PDXK: variants seen among roughly 807,000 people sequenced by gnomAD.
The protein encoded by PDXK is epididymis secretory sperm binding protein Li 1a.
A neutral mutation model predicts 43.2 loss-of-function variants in PDXK; 15 were observed. The observed-to-expected ratio is 0.35, with a 90% confidence interval of 0.23 to 0.53. PDXK has a LOEUF of 0.53. PDXK is among the 20% of genes least tolerant of loss of function. The pLI is 0.92. For synonymous variants in PDXK, 172 were observed against 165.4 expected, an observed-to-expected ratio of 1.04 and a Z score of -0.31; for missense variants, 343 against 417.0, an observed-to-expected ratio of 0.82 and a Z score of 1.54.
chr21:43,752,501 C>T lies in PDXK; in HGVS notation c.511-17C>T, dbSNP rs1346884666. 2 of 1,572,832 alleles carry T rather than the reference C, an allele frequency of 1.3e-6. No homozygotes were observed. The highest frequency in any genetic ancestry group is 1.3e-5 in the African/African-American group (1 of 74,182). On this transcript the variant is annotated splice_polypyrimidine_tract_variant and intron_variant, in intron 7 of 10. Transcript: ENST00000291565. Reference sequence around the variant, plus strand: ...CATGTGACCGGCCGTGGCTGACGCTCCCTGTGCCACTGCTAGGTGATGGAC... The same window carrying T: ...CATGTGACCGGCCGTGGCTGACGCTTCCTGTGCCACTGCTAGGTGATGGAC...
intron 3 of PDXK, among the ~76,000 whole-genome samples, chr21:43,743,034 A>T (rs879280938): frequency 3.3e-5 from 5 of 151,894 alleles, no homozygotes; most frequent in Non-Finnish European, 5.9e-5. Context: ...AACTGTGAGG[A>T]CACCTCGTTT....
intron 1 of PDXK, among the ~76,000 whole-genome samples, chr21:43,726,959 C>G (rs1466422843): frequency 6.6e-6 from 1 of 151,942 alleles, no homozygotes; most frequent in African/African-American, 2.4e-5. Context: ...GTGCACATGT[C>G]TGGGCATGCA....
In PDXK at chr21:43,738,100, G is replaced by A. The variant is rs116696452; in HGVS notation, c.143-3567G>A. 9.7e-4 allele frequency: 928 copies of A among 958,412 alleles called. 12 individuals are homozygous for A. The African/African-American group carries it at 0.015, about 16-fold the overall frequency. 59.4% of individuals were successfully genotyped at this position (958,412 alleles called of 1,614,324 possible). A position where few individuals can be genotyped will look rare whatever the true frequency, so the allele number is the denominator to read the frequency against. ...TTACGTCCCCCCAAATTCTCATGTT[G>A]CAGCCTTAACCCCAGCACCTCAGTG... On this transcript the variant is annotated intron_variant, in intron 2 of 10. Coordinates refer to ENST00000291565, the MANE Select transcript of PDXK (RefSeq NM_003681.5).
At chr21:43,741,559 G>A in intron 2 of PDXK, 108 bp from the exon 3 acceptor site, 2 of 1,534,738 alleles carry the variant, frequency 1.3e-6, no homozygotes, top group East Asian at 2.3e-5. Context: ...CCATGGGGAG[G>A]AGCCGTCCAC....
At chr21:43,753,767 C>A in intron 9 of PDXK, 48 bp downstream of exon 9, 1 of 1,568,082 alleles carries the variant, frequency 6.4e-7, no homozygotes, top group Non-Finnish European at 8.7e-7. Context: ...CACGGCACCT[C>A]ATGGGGAGCA....
intron 1 of PDXK, chr21:43,721,781 G>A (rs569362210): frequency 1.7e-4 from 26 of 152,486 alleles, no homozygotes; most frequent in African/African-American, 5.8e-4. Flanking sequence ...CCATCTGCAC[G>A]TCTGGGCTTC....
At chr21:43,729,880 G>A (rs2083295817) in intron 1 of PDXK, among the ~76,000 whole-genome samples, 1 of 152,024 alleles carries the variant, frequency 6.6e-6, no homozygotes, top group Non-Finnish European at 1.5e-5. Flanking sequence ...GGAGGGAGAG[G>A]TTGCAGCGAG....
At chr21:43,750,102 G>T (rs773620627) in intron 6 of PDXK, among the ~76,000 whole-genome samples, 2 of 152,240 alleles carry the variant, frequency 1.3e-5, no homozygotes, top group Admixed American at 1.3e-4. Flanking sequence ...AAACTTGGGG[G>T]TGGCATCTCA....
At chr21:43,753,186 AT>A (rs1484966305) in intron 8 of PDXK, among the ~76,000 whole-genome samples, 3 of 152,036 alleles carry the variant, frequency 2.0e-5, no homozygotes, top group East Asian at 1.9e-4. Flanking sequence ...ACATGCACAC[AT>A]ACACACGGGC....
In PDXK at chr21:43,719,207, A is replaced by G; in HGVS notation, c.-88A>G. 1 of 647,902 alleles carries G rather than the reference A, an allele frequency of 1.5e-6. No homozygotes were observed. The highest frequency in any genetic ancestry group is 2.2e-6 in the Non-Finnish European group (1 of 463,012). 40.1% of individuals were successfully genotyped at this position (647,902 alleles called of 1,614,324 possible). On this transcript the variant is annotated 5_prime_UTR_variant, in exon 1 of 11. Coordinates refer to ENST00000291565, the MANE Select transcript of PDXK (RefSeq NM_003681.5). ...CGCAGCCGAGGGGAGCCGGGGCCGG[A>G]GCCCGAGCCCGAGCCGAGCCGGAGC...
intron 2 of PDXK, among the ~76,000 whole-genome samples, chr21:43,740,386 G>C (rs117444193): frequency 6.6e-6 from 1 of 152,246 alleles, no homozygotes; most frequent in Non-Finnish European, 1.5e-5. Context: ...ACAAGTGCGT[G>C]ATACTTGTAC....
intron 2 of PDXK, among the ~76,000 whole-genome samples, chr21:43,739,504 G>T (rs1213855174): frequency 6.6e-6 from 1 of 152,046 alleles, no homozygotes; most frequent in African/African-American, 2.4e-5. Flanking sequence ...GGAGGCCTCA[G>T]GAAACTTACA....
chr21:43,755,403 G>C (rs1343466074), intron 9 of PDXK: 3 of 434,814 alleles, frequency 6.9e-6, no homozygotes, highest in Non-Finnish European at 1.3e-5. Context: ...CTCCTACCAA[G>C]CTCCTGCTGC....
At chr21:43,733,620 C>T (rs975324677) in intron 1 of PDXK, 3 of 1,040,786 alleles carry the variant, frequency 2.9e-6, no homozygotes, top group African/African-American at 1.7e-5. Flanking sequence ...AGCCCTTGGC[C>T]TGACTTCTTC....
intron 9 of PDXK, 189 bp from the exon 10 acceptor site, chr21:43,755,509 G>A (rs544072198): frequency 1.6e-5 from 10 of 609,160 alleles, no homozygotes; most frequent in South Asian, 3.8e-5. Context: ...TCAGCCCTCC[G>A]GGCTCTCCGT....
chr21:43,744,181 T>C (rs1444956683), intron 4 of PDXK, among the ~76,000 whole-genome samples: 1 of 70,024 alleles, frequency 1.4e-5, no homozygotes, highest in African/African-American at 5.7e-5. Context: ...GGCTAGGGAG[T>C]GGGGGAGGGC....
chr21:43,724,555 C>A (rs1026415251), intron 1 of PDXK, among the ~76,000 whole-genome samples: 1 of 151,954 alleles, frequency 6.6e-6, no homozygotes, highest in Non-Finnish European at 1.5e-5. Context: ...TTTAAGCATC[C>A]CCAAGCCCAG....
intron 4 of PDXK, among the ~76,000 whole-genome samples, chr21:43,744,226 G>A (rs560649190): frequency 1.3e-5 from 2 of 152,018 alleles, no homozygotes; most frequent in African/African-American, 2.4e-5. Context: ...GCTAGGGAGT[G>A]GGGGGAGGGA....
chr21:43,751,190 G>A (rs2083745448), intron 7 of PDXK, among the ~76,000 whole-genome samples: 1 of 152,194 alleles, frequency 6.6e-6, no homozygotes, highest in South Asian at 2.1e-4. Flanking sequence ...TTGAACCTTG[G>A]TTGAGTCATC....
Sources: allele counts gnomAD v4.1 joint callset (sites outside exome capture counted in the v4.1 genomes callset), GRCh38; gene constraint gnomAD v4.1.1; transcripts MANE v1.5; gene names NCBI Gene and HGNC (gene_info 2026-07-23, HGNC 2026-07-21).